Variants in PCDHA2 observed in about 807,000 individuals in gnomAD.
The protein encoded by PCDHA2 is protocadherin alpha 2.
PCDHA2 carries 58 observed loss-of-function variants against 66.0 expected under a neutral mutation model. The observed-to-expected ratio is 0.88, with a 90% CI of 0.71 to 1.09. The LOEUF (loss-of-function observed/expected upper bound fraction) is 1.09. Among genes scored for constraint, PCDHA2 ranks in the 50% least tolerant of loss-of-function variants. The pLI, the probability that PCDHA2 is intolerant of heterozygous loss-of-function variation, is 0.00. For missense variants in PCDHA2, 1,267 were observed against 1,242.3 expected (o/e 1.02, Z -0.30); for synonymous variants, 634 against 554.0 (o/e 1.14, Z -2.03).
intron 1 of PCDHA2, chr5:140,803,625 C>G: frequency 6.2e-7 from 1 of 1,613,858 alleles, no homozygotes; most frequent in Non-Finnish European, 8.5e-7. Flanking sequence ...TCCAAAATGT[C>G]TTTGTTTTTC....
intron 3 of PCDHA2, among the ~76,000 whole-genome samples, chr5:140,994,140 A>G (rs768317904): frequency 7.2e-5 from 11 of 152,230 alleles, no homozygotes; most frequent in Non-Finnish European, 1.5e-4. Context: ...ATAATGCCCT[A>G]CGTAGGTAGG....
rs146333783 is a variant in PCDHA2 at position 140,850,797 on chromosome 5, G to T, written c.2388+53445G>T. On this transcript the variant is annotated intron_variant, in intron 1 of 3. Transcript: ENST00000526136. ...CTCTGGCGAGGGTAAGCAGAAGACC[G>T]ACCTCATGGCCTTCAGCCCGGGCCT... 279 of 1,598,230 alleles carry T rather than the reference G, an allele frequency of 1.7e-4. 20 individuals carry two copies. The highest frequency in any genetic ancestry group is 2.3e-4 in the Non-Finnish European group (264 of 1,167,772).
chr5:140,868,681 TATA>T (rs1235223560), intron 1 of PCDHA2: 45 of 172,206 alleles, frequency 2.6e-4, no homozygotes, highest in African/African-American at 1.0e-3. Context: ...AGAACAATGT[TATA>T]ATGTTAAGTC....
At chr5:140,853,686 T>C (rs2042832936) in intron 1 of PCDHA2, 1 of 988,118 alleles carries the variant, frequency 1.0e-6, no homozygotes, top group Middle Eastern at 5.3e-4. Flanking sequence ...CAACCTATCC[T>C]TAGACCTGCT....
chr5:140,890,822 A>T (rs1044008204), intron 1 of PCDHA2, among the ~76,000 whole-genome samples: 8 of 152,186 alleles, frequency 5.3e-5, no homozygotes, highest in Non-Finnish European at 1.0e-4. Flanking sequence ...TTTTAAATGT[A>T]CTTACATATT....
chr5:140,897,509 G>T (rs2153456975), intron 1 of PCDHA2, among the ~76,000 whole-genome samples: 1 of 152,062 alleles, frequency 6.6e-6, no homozygotes, highest in East Asian at 1.9e-4. Context: ...CCCTACAAAG[G>T]ACATGAACTC....
At chr5:140,883,844 G>T (rs1404353270) in intron 1 of PCDHA2, 10 of 1,612,718 alleles carry the variant, frequency 6.2e-6, no homozygotes, top group South Asian at 1.1e-5. Flanking sequence ...GTTGGACCAC[G>T]AGGAGCTGGA....
chr5:140,985,619 G>C (rs961379624), intron 3 of PCDHA2, among the ~76,000 whole-genome samples: 2 of 152,064 alleles, frequency 1.3e-5, no homozygotes, highest in African/African-American at 2.4e-5. Context: ...TGAACCAGCT[G>C]TGTATTGCTC....
chr5:140,974,884 T>A (rs1485443373), intron 1 of PCDHA2, among the ~76,000 whole-genome samples: 1 of 152,240 alleles, frequency 6.6e-6, no homozygotes, highest in Non-Finnish European at 1.5e-5. Context: ...TATGTATCCC[T>A]TTTCTGATGA....
chr5:140,822,839 T>C (rs2150119735), intron 1 of PCDHA2: 9 of 1,614,184 alleles, frequency 5.6e-6, no homozygotes, highest in Non-Finnish European at 7.6e-6. Flanking sequence ...ACCACCCTTT[T>C]CCTGCCTGTC....
intron 1 of PCDHA2, chr5:140,927,708 A>G: frequency 6.2e-7 from 1 of 1,614,202 alleles, no homozygotes; most frequent in Non-Finnish European, 8.5e-7. Context: ...AGTACTCCCT[A>G]AGCAACAGCA....
At chr5:140,870,369 G>A (rs375892305) in intron 1 of PCDHA2, 117 of 1,614,088 alleles carry the variant, frequency 7.2e-5, no homozygotes, top group Admixed American at 2.3e-4. Context: ...CCTATGAACT[G>A]GTGGTGACTG....
intron 1 of PCDHA2, among the ~76,000 whole-genome samples, chr5:140,899,881 C>G (rs1334700648): frequency 6.6e-6 from 1 of 152,146 alleles, no homozygotes; most frequent in Non-Finnish European, 1.5e-5. Context: ...TAACAGAACT[C>G]AGTGCAGCCT....
At chr5:140,885,970 A>G (rs1554182306) in intron 1 of PCDHA2, among the ~76,000 whole-genome samples, 1 of 152,122 alleles carries the variant, frequency 6.6e-6, no homozygotes, top group Non-Finnish European at 1.5e-5. Flanking sequence ...TTTTGAGATA[A>G]TTATAGATTC....
chr5:140,927,191 T>TG, intron 1 of PCDHA2: 1 of 1,614,144 alleles, frequency 6.2e-7, no homozygotes, highest in East Asian at 2.2e-5. Flanking sequence ...TACGACCTGG[T>TG]GCTCGAGGAC....
At chr5:140,980,584 C>T (rs1447001293) in intron 2 of PCDHA2, among the ~76,000 whole-genome samples, 3 of 151,934 alleles carry the variant, frequency 2.0e-5, no homozygotes, top group Non-Finnish European at 4.4e-5. Context: ...GAGCCAAGAT[C>T]GAGCCACTGC....
chr5:140,843,519 G>C (rs1392443820), intron 1 of PCDHA2: 3 of 1,595,904 alleles, frequency 1.9e-6, no homozygotes, highest in Non-Finnish European at 2.6e-6. Context: ...GGCGGGTGCC[G>C]GGCGGGCAAG....
At chr5:140,905,135 T>A (rs2071619691) in intron 1 of PCDHA2, among the ~76,000 whole-genome samples, 1 of 152,208 alleles carries the variant, frequency 6.6e-6, no homozygotes, top group Non-Finnish European at 1.5e-5. Context: ...GAAGAGTTTT[T>A]CTGCTGTTAT....
At chr5:140,834,669 T>C in intron 1 of PCDHA2, 3 of 1,614,208 alleles carry the variant, frequency 1.9e-6, no homozygotes, top group South Asian at 1.1e-5. Context: ...CGAGGAGCTG[T>C]GCGGGCGGAG....
Sources: gnomAD v4.1 joint callset for allele counts (sites outside exome capture counted in the v4.1 genomes callset) on GRCh38, gnomAD v4.1.1 for gene constraint, MANE v1.5 for transcripts, NCBI Gene and HGNC (gene_info 2026-07-23, HGNC 2026-07-21) for gene names.